The following NAALADL2 variants were observed in gnomAD, a reference collection of about 807,000 sequenced individuals.
NAALADL2 encodes the protein inactive N-acetylated-alpha-linked acidic dipeptidase-like protein 2.
Under a neutral mutation model 87.2 loss-of-function variants are expected in NAALADL2, and 76 were observed. The ratio of observed to expected loss-of-function variants is 0.87; its 90% CI spans 0.72 to 1.05. The LOEUF (loss-of-function observed/expected upper bound fraction) is 1.05. Ranked by LOEUF, NAALADL2 falls within the 50% of genes least tolerant of loss-of-function variation. NAALADL2 has a pLI of 0.00. For synonymous variants in NAALADL2, 354 were observed against 331.0 expected, an observed-to-expected ratio of 1.07 and a Z score of -0.75; for missense variants, 1,089 against 945.8, an observed-to-expected ratio of 1.15 and a Z score of -1.99.
At chr3:175,248,200 G>A (rs1296328966) in intron 3 of NAALADL2, among the ~76,000 whole-genome samples, 2 of 152,042 alleles carry the variant, frequency 1.3e-5, no homozygotes, top group African/African-American at 2.4e-5. Flanking sequence ...CTATTTAGTA[G>A]CTCTGTGACT....
At chr3:174,593,512 T>A (rs373558654) in intron 2 of NAALADL2, among the ~76,000 whole-genome samples, 1 of 152,226 alleles carries the variant, frequency 6.6e-6, no homozygotes, top group East Asian at 1.9e-4. Flanking sequence ...GTCAGTATGG[T>A]TTCAGAACCT....
chr3:175,090,838 T>A (rs1719961178), intron 1 of NAALADL2, among the ~76,000 whole-genome samples: 1 of 137,842 alleles, frequency 7.3e-6, no homozygotes, highest in African/African-American at 2.9e-5. Context: ...ATTTAATCTA[T>A]TAGTGAAGCA....
intron 3 of NAALADL2, chr3:175,235,936 T>G (rs1745763169): frequency 1.3e-5 from 2 of 152,194 alleles, no homozygotes; most frequent in Admixed American, 1.3e-4. Flanking sequence ...TCAACTAATT[T>G]ATTTAAATAA....
At chr3:175,737,883 A>C (rs1744732305) in intron 12 of NAALADL2, among the ~76,000 whole-genome samples, 1 of 151,942 alleles carries the variant, frequency 6.6e-6, no homozygotes, top group South Asian at 2.1e-4. Flanking sequence ...ATAAAGAAGA[A>C]ACCAGGCAAT....
intron 2 of NAALADL2, among the ~76,000 whole-genome samples, chr3:174,553,266 T>C (rs112048135): frequency 4.9e-4 from 74 of 152,284 alleles, no homozygotes; most frequent in Non-Finnish European, 9.1e-4. Flanking sequence ...GAAGCATAAG[T>C]GCAATGACAT....
Position 174,791,808 on chromosome 3 carries a change from G to A in NAALADL2, c.-9+54062G>A, listed in dbSNP as rs147073260. ...TGATTAATCAGTAGCCTTGATTACT[G>A]TAAGCTCCATAGAGGACAAAAATCA... On this transcript the variant is annotated intron_variant, in intron 3 of 3. Transcript: ENST00000434257. 2.0e-5 allele frequency among the ~76,000 whole-genome samples: 3 copies of A among 152,194 alleles called. No homozygotes were observed. In the East Asian group the frequency reaches 5.8e-4, roughly 29 times the overall value.
At chr3:175,047,215 G>T (rs1408039081) in intron 1 of NAALADL2, among the ~76,000 whole-genome samples, 1 of 152,128 alleles carries the variant, frequency 6.6e-6, no homozygotes, top group Non-Finnish European at 1.5e-5. Flanking sequence ...TTCTGTCCTT[G>T]TCATATAACT....
At chr3:175,696,385 G>T (rs959354653) in intron 11 of NAALADL2, among the ~76,000 whole-genome samples, 1 of 152,076 alleles carries the variant, frequency 6.6e-6, no homozygotes, top group Non-Finnish European at 1.5e-5. Context: ...AGGAGAGAAA[G>T]ATTTCTTTTC....
At chr3:175,598,339 A>T (rs1478157250) in intron 10 of NAALADL2, among the ~76,000 whole-genome samples, 1 of 149,034 alleles carries the variant, frequency 6.7e-6, no homozygotes, top group Admixed American at 6.7e-5. Context: ...GTCTAAAAAA[A>T]TAGCCCTAAG....
intron 1 of NAALADL2, among the ~76,000 whole-genome samples, chr3:174,983,502 C>T (rs1464569221): frequency 6.6e-6 from 1 of 152,048 alleles, no homozygotes; most frequent in African/African-American, 2.4e-5. Context: ...ATATATTTCT[C>T]ATAGTTCTGG....
At chr3:174,997,067 T>A (rs1169145287) in intron 1 of NAALADL2, among the ~76,000 whole-genome samples, 4 of 150,104 alleles carry the variant, frequency 2.7e-5, no homozygotes, top group African/African-American at 9.8e-5. Context: ...TATTTTTTTT[T>A]TTAATCCACT....
intron 2 of NAALADL2, among the ~76,000 whole-genome samples, chr3:175,173,291 CAAAATAAATAAATAAAT>C (rs936612217): frequency 3.0e-5 from 3 of 99,566 alleles, no homozygotes; most frequent in Admixed American, 1.2e-4. Context: ...GACTCCGTTT[CAAAATAAATAAATAAAT>C]AAAATAAATA....
chr3:175,273,859 C>G (rs1312450489), intron 4 of NAALADL2, among the ~76,000 whole-genome samples: 2 of 151,918 alleles, frequency 1.3e-5, no homozygotes, highest in Admixed American at 1.3e-4. Flanking sequence ...AAGTAACTTA[C>G]AAAAGAACAT....
At chr3:175,133,467 C>G (rs555936669) in intron 2 of NAALADL2, among the ~76,000 whole-genome samples, 118 of 152,334 alleles carry the variant, frequency 7.7e-4, no homozygotes, top group Non-Finnish European at 1.5e-3. Context: ...CGTCTGCAAT[C>G]CCGGCACCTT....
chr3:175,150,458 G>A (rs540317751), intron 2 of NAALADL2, among the ~76,000 whole-genome samples: 1 of 152,154 alleles, frequency 6.6e-6, no homozygotes, highest in South Asian at 2.1e-4. Context: ...GATATGACAG[G>A]TGCCAGTGCA....
At chr3:175,740,670 C>A (rs773374649) in intron 12 of NAALADL2, among the ~76,000 whole-genome samples, 1 of 152,130 alleles carries the variant, frequency 6.6e-6, no homozygotes, top group African/African-American at 2.4e-5. Context: ...ATCACAAACC[C>A]TTATAGCAGA....
At chr3:175,156,321 TAA>T (rs377176020) in intron 2 of NAALADL2, among the ~76,000 whole-genome samples, 54,794 of 151,768 alleles carry the variant, frequency 0.36, 11,226 homozygotes, top group East Asian at 0.56. Context: ...AATCTTTAGA[TAA>T]ATAGCTCTAC....
rs191542966 is a variant in NAALADL2 at position 174,877,954 on chromosome 3, A to G, written c.43+18504A>G. On this transcript the variant is annotated intron_variant, in intron 1 of 13. Transcript: ENST00000454872. Reference sequence around the variant, plus strand: ...TGATATAGTGGAGACTCATGTAGTTAGAGATGGTGGCTTATTAGGGCACTT... The same window carrying G: ...TGATATAGTGGAGACTCATGTAGTTGGAGATGGTGGCTTATTAGGGCACTT... Among the ~76,000 whole-genome samples, 20 of 152,212 alleles carry G rather than the reference A, an allele frequency of 1.3e-4. No individual in the cohort carries two copies. In the East Asian group the frequency reaches 3.9e-3, roughly 29 times the overall value.
chr3:175,669,808 A>G (rs1441646675), intron 11 of NAALADL2, among the ~76,000 whole-genome samples: 1 of 151,990 alleles, frequency 6.6e-6, no homozygotes, highest in African/African-American at 2.4e-5. Flanking sequence ...CACTATTACT[A>G]TTTCACTATT....
Sources: gnomAD v4.1 joint callset for allele counts (sites outside exome capture counted in the v4.1 genomes callset) on GRCh38, gnomAD v4.1.1 for gene constraint, MANE v1.5 for transcripts, NCBI Gene and HGNC (gene_info 2026-07-23, HGNC 2026-07-21) for gene names.